The following TMED3 variants were observed in gnomAD, a reference collection of about 807,000 sequenced individuals.
The protein encoded by TMED3 is transmembrane p24 trafficking protein 3.
In TMED3, 9 loss-of-function variants were observed where a neutral mutation model predicts 15.0. The ratio of observed to expected loss-of-function variants is 0.60; its 90% confidence interval spans 0.36 to 1.04. The LOEUF is 1.04. TMED3 is among the 50% of genes least tolerant of loss of function. The pLI, the probability that TMED3 is intolerant of heterozygous loss-of-function variation, is 0.01. For synonymous variants in TMED3, 117 were observed against 121.4 expected, an observed-to-expected ratio of 0.96 and a Z score of 0.24; for missense variants, 267 against 278.9, an observed-to-expected ratio of 0.96 and a Z score of 0.30.
downstream of TMED3, among the ~76,000 whole-genome samples, chr15:79,324,157 A>AT (rs1226278582): frequency 6.6e-6 from 1 of 151,898 alleles, no homozygotes; most frequent in African/African-American, 2.4e-5. Context: ...CGCCCGGCTA[A>AT]TTTTTTTGTA....
chr15:79,377,665 T>A (rs1333872505), intron 2 of TMED3, among the ~76,000 whole-genome samples: 1 of 139,166 alleles, frequency 7.2e-6, no homozygotes, highest in South Asian at 2.2e-4. Context: ...TTTTTTTTTT[T>A]GAGACGGAGT....
intron 2 of TMED3, among the ~76,000 whole-genome samples, chr15:79,364,183 G>T (rs965769512): frequency 1.1e-4 from 16 of 152,124 alleles, no homozygotes; most frequent in Non-Finnish European, 1.9e-4. Flanking sequence ...TTTTTATATA[G>T]AAGCTGATGG....
chr15:79,409,651 A>G (rs139908803), intron 2 of TMED3, among the ~76,000 whole-genome samples: 104 of 152,328 alleles, frequency 6.8e-4, no homozygotes, highest in African/African-American at 2.3e-3. Flanking sequence ...ATTCAACCAA[A>G]TAAAAGCACT....
intron 2 of TMED3, among the ~76,000 whole-genome samples, chr15:79,380,074 G>C (rs1893493746): frequency 6.6e-6 from 1 of 152,302 alleles, no homozygotes; most frequent in East Asian, 1.9e-4. Context: ...AGATGTGCAG[G>C]TCCTTGGTAT....
At chr15:79,386,853 T>C (rs1371700810) in intron 2 of TMED3, among the ~76,000 whole-genome samples, 2 of 151,982 alleles carry the variant, frequency 1.3e-5, no homozygotes, top group African/African-American at 4.8e-5. Flanking sequence ...GGACTTTAAA[T>C]TTTAATGTAA....
chr15:79,402,259 G>T (rs71409229), intron 2 of TMED3, among the ~76,000 whole-genome samples: 1 of 152,130 alleles, frequency 6.6e-6, no homozygotes, highest in African/African-American at 2.4e-5. Flanking sequence ...TTATCTGCAG[G>T]CTCCTGTGCC....
intron 2 of TMED3, among the ~76,000 whole-genome samples, chr15:79,371,798 G>A (rs1450157847): frequency 6.6e-6 from 1 of 152,200 alleles, no homozygotes; most frequent in Non-Finnish European, 1.5e-5. Context: ...AGTTGGGGAA[G>A]TTATAAATTT....
intron 2 of TMED3, among the ~76,000 whole-genome samples, chr15:79,371,413 C>G (rs1322472623): frequency 6.6e-6 from 1 of 152,088 alleles, no homozygotes; most frequent in East Asian, 1.9e-4. Flanking sequence ...CCAACAGGTT[C>G]TTATTGCCTG....
intron 2 of TMED3, among the ~76,000 whole-genome samples, chr15:79,344,188 C>T (rs1166395367): frequency 6.6e-6 from 1 of 152,200 alleles, no homozygotes; most frequent in African/African-American, 2.4e-5. Flanking sequence ...AGGAACCCCC[C>T]AGAGTGTGGT....
chr15:79,317,289 T>A (rs1386429038), intron 2 of TMED3, among the ~76,000 whole-genome samples: 2 of 152,226 alleles, frequency 1.3e-5, no homozygotes, highest in African/African-American at 4.8e-5. Context: ...ATCTGACTCA[T>A]CCTCTGTCTT....
chr15:79,382,635 T>A (rs1182950614), intron 2 of TMED3, among the ~76,000 whole-genome samples: 1 of 152,174 alleles, frequency 6.6e-6, no homozygotes, highest in East Asian at 1.9e-4. Flanking sequence ...GGTGCTCAGC[T>A]CCTTTGGCTC....
Position 79,311,320 on chromosome 15 carries a change from C to T in TMED3, c.71C>T (p.Pro24Leu), listed in dbSNP as rs755127125. The change falls in exon 1 of 3, where the codon CCC becomes CTC. Residue 24 changes from proline to leucine, a missense_variant. Transcript: ENST00000299705. ...CTGCTCCTGCGCCGGGCCGAGCAGC[C>T]CTGCGGGGCCGAGCTCACCTTCGAG... is the stretch of plus-strand genomic sequence containing the variant. ...LLLLLRRAEQ[P>L]CGAELTFELP... 3 of 1,609,742 alleles carry T rather than the reference C, an allele frequency of 1.9e-6. No homozygotes were observed. The highest frequency in any genetic ancestry group is 3.3e-5 in the Admixed American group (2 of 59,808).
At chr15:79,384,956 C>A (rs1261407593) in intron 2 of TMED3, among the ~76,000 whole-genome samples, 1 of 152,134 alleles carries the variant, frequency 6.6e-6, no homozygotes, top group Non-Finnish European at 1.5e-5. Context: ...GAATACAGCA[C>A]CTTCAACTGA....
intron 2 of TMED3, among the ~76,000 whole-genome samples, chr15:79,347,909 T>G (rs1051699603): frequency 2.0e-5 from 3 of 152,068 alleles, no homozygotes; most frequent in Admixed American, 2.0e-4. Context: ...AAAAAACTCT[T>G]ATACCCAAAA....
intron 2 of TMED3, among the ~76,000 whole-genome samples, chr15:79,402,740 C>T (rs780759770): frequency 2.0e-5 from 3 of 151,828 alleles, no homozygotes; most frequent in Non-Finnish European, 2.9e-5. Flanking sequence ...GAGCCGAGAT[C>T]GTGCCACTGC....
chr15:79,355,114 T>C (rs2058913661), intron 2 of TMED3, among the ~76,000 whole-genome samples: 1 of 152,166 alleles, frequency 6.6e-6, no homozygotes, highest in African/African-American at 2.4e-5. Flanking sequence ...TATCCCATTA[T>C]TGAGAACCCC....
chr15:79,334,377 G>T (rs1332088763), intron 2 of TMED3, among the ~76,000 whole-genome samples: 1 of 152,198 alleles, frequency 6.6e-6, no homozygotes, highest in Non-Finnish European at 1.5e-5. Flanking sequence ...GCTTGGAATG[G>T]CAGCATCTAG....
At chr15:79,340,196 A>G (rs1412104415) in intron 2 of TMED3, among the ~76,000 whole-genome samples, 2 of 152,196 alleles carry the variant, frequency 1.3e-5, no homozygotes, top group African/African-American at 4.8e-5. Context: ...AATGACCACA[A>G]GAGGACAGTA....
chr15:79,353,064 TA>T (rs1487261407), intron 2 of TMED3, among the ~76,000 whole-genome samples: 19 of 100,634 alleles, frequency 1.9e-4, no homozygotes, highest in African/African-American at 4.0e-4. Context: ...AATGTATATA[TA>T]AAAATATATA....
Sources: gnomAD v4.1 joint callset for allele counts (sites outside exome capture counted in the v4.1 genomes callset) on GRCh38, gnomAD v4.1.1 for gene constraint, MANE v1.5 for transcripts, NCBI Gene and HGNC (gene_info 2026-07-23, HGNC 2026-07-21) for gene names.